Variants in GSG1 observed in about 807,000 individuals in gnomAD.
GSG1 encodes germ cell associated 1, also known as germ cell-specific gene 1 protein.
A neutral mutation model predicts 30.8 loss-of-function variants in GSG1; 28 were observed. The ratio of observed to expected loss-of-function variants is 0.91; its 90% confidence interval spans 0.67 to 1.25. The LOEUF (loss-of-function observed/expected upper bound fraction) is 1.25, where lower values mean the gene tolerates loss of function less well. Ranked by LOEUF, GSG1 falls within the 50% of genes most tolerant of loss-of-function variation. GSG1 has a pLI of 0.00. For synonymous variants in GSG1, 162 were observed against 178.0 expected (o/e 0.91, Z 0.71); for missense variants, 435 against 444.7 (o/e 0.98, Z 0.20).
rs1249883617 is a variant in GSG1 at position 13,099,754 on chromosome 12, T to G, written c.48+3711A>C. 1.6e-4 allele frequency among the ~76,000 whole-genome samples: 19 copies of G among 118,014 alleles called. No individual in the cohort carries two copies. In the East Asian group the frequency reaches 4.2e-3, roughly 26 times the overall value. The allele number at this position is 118,014 out of a possible 152,430, so 77.4% of individuals were successfully genotyped here. A position where few individuals can be genotyped will look rare whatever the true frequency, so the allele number is the denominator to read the frequency against. On this transcript the variant is annotated intron_variant, in intron 1 of 6. Transcript: ENST00000651961. ...AGGGATCCGGTGTTTTTTTTTGTTT[T>G]TTTTTTTTTTTTTTGTTTTTTCTTC...
intron 1 of GSG1, among the ~76,000 whole-genome samples, chr12:13,098,010 A>T (rs1862859742): frequency 6.6e-6 from 1 of 152,190 alleles, no homozygotes; most frequent in South Asian, 2.1e-4. Context: ...CCTCAGACTG[A>T]TGTTAACAAG....
chr12:13,091,448 C>T (rs1476107110), intron 1 of GSG1, among the ~76,000 whole-genome samples: 1 of 152,234 alleles, frequency 6.6e-6, no homozygotes, highest in Non-Finnish European at 1.5e-5. Context: ...TGCCTGTAAT[C>T]CTAGCACCGT....
chr12:13,101,585 C>T lies in GSG1; in HGVS notation c.48+1880G>A, dbSNP rs960208782. Among the ~76,000 whole-genome samples the T allele has an allele frequency of 6.6e-6, 1 of 152,240 alleles. No homozygotes were observed. Among genetic ancestry groups the T allele is most frequent in the Non-Finnish European group, 1.5e-5 (1 of 68,036 alleles). On this transcript the variant is annotated intron_variant, in intron 1 of 6. Transcript: ENST00000651961. This position sits in a 1 kb window ranked among gnomAD's most constrained non-coding sequence, Gnocchi z 5.8. ...GAGCTGGGCCGGGGCGCTAGGCCACCTGAGGCGCGTCCCCTCTGCCGCCTG... is the reference window on the plus strand; with the variant it reads ...GAGCTGGGCCGGGGCGCTAGGCCACTTGAGGCGCGTCCCCTCTGCCGCCTG...
chr12:13,090,793 C>A lies in GSG1; in HGVS notation c.74G>T (p.Gly25Val). Residue 25 changes from glycine to valine, a missense_variant, in exon 2 of 7, where the codon GGC becomes GTC. Physicochemically the swap from Gly to Val is moderately radical, Grantham distance 109 (BLOSUM62 -3). Coordinates refer to ENST00000651961, the MANE Select transcript of GSG1 (RefSeq NM_001080555.4). ...QEMELSKAFS[G>V]QRTLLSAILS... is the part of the protein sequence containing the mutation. The stretch of plus-strand genomic sequence containing the variant: ...GATGGCAGATAGGAGTGTCCGCTGG[C>A]CAGAGAAGGCCTTCGAGAGCTCCAT... 1.2e-6 allele frequency: 2 copies of A among 1,612,842 alleles called. No individual in the cohort carries two copies. The highest frequency in any genetic ancestry group is 1.1e-5 in the South Asian group (1 of 90,934).
chr12:13,089,985 G>A (rs1198995908), intron 2 of GSG1, among the ~76,000 whole-genome samples: 3 of 152,168 alleles, frequency 2.0e-5, no homozygotes, highest in Non-Finnish European at 4.4e-5. Context: ...AGAGGCGGAG[G>A]TTGTGGTGAG....
At chr12:13,094,539 T>C (rs954765891) in intron 1 of GSG1, among the ~76,000 whole-genome samples, 6 of 152,220 alleles carry the variant, frequency 3.9e-5, no homozygotes, top group Admixed American at 6.5e-5. Context: ...AGTTCCCCTT[T>C]CCTAAAATGT....
At chr12:13,089,315 C>A in intron 2 of GSG1, 39 bp from the exon 3 acceptor site, 10 of 1,550,162 alleles carry the variant, frequency 6.5e-6, no homozygotes, top group Non-Finnish European at 8.7e-6. Context: ...TAAATACACA[C>A]ATTTTTTTAA....
chr12:13,089,125 T>C (rs1442781734), intron 3 of GSG1, 83 bp downstream of exon 3: 1 of 1,397,618 alleles, frequency 7.2e-7, no homozygotes, highest in East Asian at 2.5e-5. Flanking sequence ...ATGCAGAAGA[T>C]GTTTCCATGA....
chr12:13,086,341 G>A (rs1865519196), intron 6 of GSG1, among the ~76,000 whole-genome samples: 1 of 152,320 alleles, frequency 6.6e-6, no homozygotes, highest in Admixed American at 6.5e-5. Flanking sequence ...AGCGCAGATT[G>A]TACCACAGGA....
chr12:13,091,143 T>G (rs1443212361), intron 1 of GSG1, among the ~76,000 whole-genome samples: 1 of 152,138 alleles, frequency 6.6e-6, no homozygotes, highest in East Asian at 1.9e-4. Context: ...CTAGAATCCC[T>G]CTTTCTCAAG....
chr12:13,098,345 C>T (rs1332155493), intron 1 of GSG1, among the ~76,000 whole-genome samples: 2 of 150,730 alleles, frequency 1.3e-5, no homozygotes, highest in Admixed American at 1.3e-4. Context: ...TCCCTGCCTG[C>T]TAATCTACAG....
At position 13,101,994 on chromosome 12, in the gene GSG1, A is replaced by G. The variant is rs1863248416; in HGVS notation, c.48+1471T>C. 1.3e-5 allele frequency among the ~76,000 whole-genome samples: 2 copies of G among 152,200 alleles called. No individual in the cohort carries two copies. The highest frequency in any genetic ancestry group is 2.9e-5 in the Non-Finnish European group (2 of 68,032). ...TGTGAAAATCGAAAACAGGTAGAAG[A>G]AGAGTGCCTCTAAGCAGAAACGAAG... On this transcript the variant is annotated intron_variant, in intron 1 of 6. Coordinates refer to ENST00000651961, the MANE Select transcript of GSG1 (RefSeq NM_001080555.4). This position sits in a 1 kb window ranked among gnomAD's most constrained non-coding sequence, Gnocchi z 5.8.
chr12:13,088,264 T>A (rs1707939523), intron 4 of GSG1, among the ~76,000 whole-genome samples: 1 of 151,512 alleles, frequency 6.6e-6, no homozygotes, highest in African/African-American at 2.4e-5. Flanking sequence ...AACCAATATA[T>A]ACCCAAGTAA....
Position 13,085,156 on chromosome 12 carries a change from G to T in GSG1, c.834C>A (p.Cys278Ter), listed in dbSNP as rs754352481. ...TYTRMVLEFK[C>*]KHSKSFKENP... Reference sequence around the variant, plus strand: ...TTTCCTTGAAGCTCTTACTATGCTTGCACTTGAACTCCAGCACCATCCTGG... The same window carrying T: ...TTTCCTTGAAGCTCTTACTATGCTTTCACTTGAACTCCAGCACCATCCTGG... Residue 278 changes from cysteine to a stop codon, truncating the protein, a stop_gained, in exon 7 of 7, where the codon TGC (cysteine) becomes TGA (stop). Coordinates refer to ENST00000651961, the MANE Select transcript of GSG1 (RefSeq NM_001080555.4). LOFTEE classifies it low-confidence loss of function (END_TRUNC). The T allele has an allele frequency of 3.7e-6, 6 of 1,614,222 alleles. No homozygotes were observed. The South Asian group carries it at 6.6e-5, about 18-fold the overall frequency.
chr12:13,091,959 C>T (rs1454039116), intron 1 of GSG1, among the ~76,000 whole-genome samples: 1 of 152,200 alleles, frequency 6.6e-6, no homozygotes, highest in Non-Finnish European at 1.5e-5. Context: ...CTGGCTTTTA[C>T]ACAACACGGG....
intron 1 of GSG1, among the ~76,000 whole-genome samples, chr12:13,098,064 T>C (rs1259190743): frequency 6.6e-6 from 1 of 152,132 alleles, no homozygotes; most frequent in Non-Finnish European, 1.5e-5. Flanking sequence ...ATTTTCTGCA[T>C]CGCCCAAACA....
Position 13,093,268 on chromosome 12 carries a change from G to A in GSG1, c.49-2450C>T, listed in dbSNP as rs1866334627. On this transcript the variant is annotated intron_variant, in intron 1 of 6. Transcript: ENST00000651961. The surrounding 1 kb of genome is among the most constrained non-coding windows in gnomAD (Gnocchi z 4.6). ...ATTGGGAGCATTCCAAATGCTCTTT[G>A]TGATAATCGTTTTTGGCTTTGTCTT... Among the ~76,000 whole-genome samples the A allele has an allele frequency of 6.6e-6, 1 of 152,164 alleles. No individual in the cohort carries two copies. Among genetic ancestry groups the A allele is most frequent in the Non-Finnish European group, 1.5e-5 (1 of 68,038 alleles).
Position 13,087,274 on chromosome 12 carries a change from A to T in GSG1, c.635-11T>A. 1 of 1,598,040 alleles carries T rather than the reference A, an allele frequency of 6.3e-7. No homozygotes were observed. Among genetic ancestry groups the T allele is most frequent in the African/African-American group, 1.3e-5 (1 of 74,700 alleles). ...CCATCCCCAGGAGACCTACCAAGGA[A>T]ACAGGAAGGCAGAGCCCTTAGAGAA... On this transcript the variant is annotated splice_polypyrimidine_tract_variant and intron_variant, in intron 5 of 6. Coordinates refer to ENST00000651961, the MANE Select transcript of GSG1 (RefSeq NM_001080555.4).
At chr12:13,098,606 T>G (rs1039699505) in intron 1 of GSG1, among the ~76,000 whole-genome samples, 2 of 151,870 alleles carry the variant, frequency 1.3e-5, no homozygotes, top group African/African-American at 4.8e-5. Flanking sequence ...ATGAGTTTTG[T>G]GCACATTTTT....
Sources: allele counts gnomAD v4.1 joint callset (sites outside exome capture counted in the v4.1 genomes callset), GRCh38; gene constraint gnomAD v4.1.1; non-coding constraint Gnocchi (gnomAD v3.1); transcripts MANE v1.5; gene names NCBI Gene and HGNC (gene_info 2026-07-23, HGNC 2026-07-21).